ARHGAP8: variants seen among roughly 807,000 people sequenced by gnomAD.
The protein encoded by ARHGAP8 is Rho GTPase activating protein 8.
A neutral mutation model predicts 46.1 loss-of-function variants in ARHGAP8; 62 were observed. The ratio of observed to expected loss-of-function variants is 1.34; its 90% CI spans 1.10 to 1.66. The LOEUF (loss-of-function observed/expected upper bound fraction) is 1.66, where lower values mean the gene tolerates loss of function less well. Ranked by LOEUF, ARHGAP8 falls within the 40% of genes most tolerant of loss-of-function variation. ARHGAP8 has a pLI of 0.00. For synonymous variants in ARHGAP8, 375 were observed against 243.1 expected, an observed-to-expected ratio of 1.54 and a Z score of -5.05; for missense variants, 923 against 568.4, an observed-to-expected ratio of 1.62 and a Z score of -6.34.
chr22:44,808,398 C>G lies in ARHGAP8; in HGVS notation c.259C>G (p.Leu87Val). ...GCTGAACAGCCGGAACAAGCCTTCC[C>G]TGGGCTGGCTCCAGAGCGCATACAA... ...YGLNSRNKPS[L>V]GWLQSAYKEF... The change falls in exon 4 of 12, where the codon CTG (leucine) becomes GTG (valine). Residue 87 changes from leucine (L) to valine (V), a missense_variant. Leu to Val is a conservative substitution (Grantham distance 32). Transcript: ENST00000356099. The G allele has an allele frequency of 6.2e-7, 1 of 1,614,234 alleles. No homozygotes were observed. The highest frequency in any genetic ancestry group is 2.2e-5 in the East Asian group (1 of 44,884).
intron 1 of ARHGAP8, among the ~76,000 whole-genome samples, chr22:44,753,041 C>T (rs947018947): frequency 6.6e-6 from 1 of 151,720 alleles, no homozygotes; most frequent in Admixed American, 6.6e-5. Flanking sequence ...CGGGTCAGCG[C>T]CTGGGGGAGG....
intron 10 of ARHGAP8, among the ~76,000 whole-genome samples, chr22:44,858,173 T>C (rs6007335): frequency 0.07 from 10,631 of 152,260 alleles, 877 homozygotes; most frequent in African/African-American, 0.2. Flanking sequence ...TCTTGTGTCC[T>C]GGCAGTGGGT....
At chr22:44,816,929 A>G (rs1246732050) in intron 5 of ARHGAP8, among the ~76,000 whole-genome samples, 3 of 117,136 alleles carry the variant, frequency 2.6e-5, no homozygotes, top group African/African-American at 3.6e-5. Flanking sequence ...TTTGTCCCCC[A>G]GGCTGGAGTG....
chr22:44,816,048 G>C (rs1929717223), intron 5 of ARHGAP8, among the ~76,000 whole-genome samples: 1 of 151,956 alleles, frequency 6.6e-6, no homozygotes, highest in Non-Finnish European at 1.5e-5. Context: ...CTAGGATGAA[G>C]CCTCTGGGGA....
At chr22:44,845,688 G>C (rs2069936918) in intron 8 of ARHGAP8, among the ~76,000 whole-genome samples, 1 of 152,174 alleles carries the variant, frequency 6.6e-6, no homozygotes, top group Non-Finnish European at 1.5e-5. Context: ...CTGGTCTGTA[G>C]GAAGCCCTCT....
chr22:44,821,225 A>T (rs368998021), intron 5 of ARHGAP8, among the ~76,000 whole-genome samples: 43 of 152,182 alleles, frequency 2.8e-4, no homozygotes, highest in African/African-American at 8.9e-4. Context: ...AGGTCAGGAG[A>T]TCGAGACCAT....
At chr22:44,813,990 G>A (rs1929554907) in intron 4 of ARHGAP8, among the ~76,000 whole-genome samples, 1 of 152,086 alleles carries the variant, frequency 6.6e-6, no homozygotes, top group Non-Finnish European at 1.5e-5. Context: ...CTCGCCTCCT[G>A]GGCTGTGTCT....
intron 7 of ARHGAP8, among the ~76,000 whole-genome samples, chr22:44,829,478 G>C (rs1569167247): frequency 2.0e-5 from 3 of 152,108 alleles, no homozygotes; most frequent in African/African-American, 7.2e-5. Flanking sequence ...ACTGATGCAG[G>C]GCTGTTGGCT....
Position 44,848,011 on chromosome 22 carries a change from G to T in ARHGAP8, c.709G>T (p.Val237Leu), listed in dbSNP as rs769447573. ...TEGLFRRSAS[V>L]QTVREIQRLY... ...GGGCCTGTTCCGGAGATCCGCCAGCGTGCAGACCGTCCGCGAGATCCAGAG... is the reference window on the plus strand; with the variant it reads ...GGGCCTGTTCCGGAGATCCGCCAGCTTGCAGACCGTCCGCGAGATCCAGAG... The change falls in exon 9 of 12, where the codon GTG (valine) becomes TTG (leucine). Residue 237 changes from valine to leucine, a missense_variant. Val to Leu is a conservative substitution (Grantham distance 32). Coordinates refer to ENST00000356099, the MANE Select transcript of ARHGAP8 (RefSeq NM_181335.3). 14 of 1,608,040 alleles carry T rather than the reference G, an allele frequency of 8.7e-6. No individual in the cohort carries two copies. The East Asian group carries it at 2.2e-4, about 26-fold the overall frequency.
chr22:44,786,319 G>C, intron 1 of ARHGAP8, 138 bp from the exon 2 acceptor site: 1 of 1,012,474 alleles, frequency 9.9e-7, no homozygotes, highest in South Asian at 1.8e-5. Context: ...GGCGCGTAGT[G>C]GGTGCACGGC....
chr22:44,811,630 ACT>A (rs914687424), intron 4 of ARHGAP8, among the ~76,000 whole-genome samples: 2 of 151,954 alleles, frequency 1.3e-5, no homozygotes, highest in Non-Finnish European at 2.9e-5. Context: ...AAGGAGGGAC[ACT>A]CTAGGCATCA....
At chr22:44,758,570 C>T (rs535445340) in intron 1 of ARHGAP8, among the ~76,000 whole-genome samples, 2 of 152,118 alleles carry the variant, frequency 1.3e-5, no homozygotes, top group East Asian at 3.9e-4. Flanking sequence ...TAATAGAAAC[C>T]ATCTGTGGCT....
chr22:44,826,685 C>A (rs1378281202), intron 7 of ARHGAP8, among the ~76,000 whole-genome samples: 1 of 152,170 alleles, frequency 6.6e-6, no homozygotes, highest in Non-Finnish European at 1.5e-5. Flanking sequence ...CTCAGCCTCC[C>A]AAAGTGCTGG....
intron 1 of ARHGAP8, among the ~76,000 whole-genome samples, chr22:44,764,838 C>T (rs150452707): frequency 3.5e-4 from 54 of 152,326 alleles, no homozygotes; most frequent in African/African-American, 1.2e-3. Context: ...CGAGAGGGAG[C>T]TGAGAGTGCT....
intron 10 of ARHGAP8, among the ~76,000 whole-genome samples, chr22:44,859,090 T>C (rs28439052): frequency 0.15 from 22,444 of 151,108 alleles, 2,166 homozygotes; most frequent in African/African-American, 0.28. Context: ...TCTAGACCAC[T>C]CCCATTTATA....
chr22:44,844,573 C>T (rs989785091), intron 7 of ARHGAP8, among the ~76,000 whole-genome samples: 1 of 152,132 alleles, frequency 6.6e-6, no homozygotes, highest in Non-Finnish European at 1.5e-5. Flanking sequence ...AGTGAGTCCC[C>T]TGCCTCAGCC....
intron 8 of ARHGAP8, among the ~76,000 whole-genome samples, chr22:44,845,923 C>T (rs1289092546): frequency 6.6e-6 from 1 of 152,152 alleles, no homozygotes; most frequent in East Asian, 1.9e-4. Flanking sequence ...TTTCCTGGCA[C>T]CACAGCTGCA....
intron 1 of ARHGAP8, chr22:44,766,155 GC>G (rs1569134037): frequency 6.6e-6 from 1 of 152,538 alleles, no homozygotes; most frequent in East Asian, 1.9e-4. Context: ...TCTGCCTCCT[GC>G]CCTCAGAAGC....
chr22:44,825,425 C>T (rs1036661085), intron 6 of ARHGAP8, 58 bp from the exon 7 acceptor site: 5 of 1,569,464 alleles, frequency 3.2e-6, no homozygotes, highest in Non-Finnish European at 3.5e-6. Flanking sequence ...CACCCAGCGC[C>T]TCCGTGGCTG....
Sources: allele counts gnomAD v4.1 joint callset (sites outside exome capture counted in the v4.1 genomes callset), GRCh38; gene constraint gnomAD v4.1.1; transcripts MANE v1.5; gene names NCBI Gene and HGNC (gene_info 2026-07-23, HGNC 2026-07-21).